KAZN: variants seen among roughly 807,000 people sequenced by gnomAD.
The protein encoded by KAZN is kazrin, periplakin interacting protein.
A neutral mutation model predicts 87.4 loss-of-function variants in KAZN; 40 were observed. The ratio of observed to expected loss-of-function variants is 0.46; its 90% CI spans 0.36 to 0.60. The LOEUF (loss-of-function observed/expected upper bound fraction) is 0.60. Among genes scored for constraint, KAZN ranks in the 20% least tolerant of loss-of-function variants. The probability of loss-of-function intolerance (pLI) is 0.00; values close to 1 mark genes in which losing one functional copy is unlikely to be tolerated. For missense variants in KAZN, 898 were observed against 1,073.9 expected, an observed-to-expected ratio of 0.84 and a Z score of 2.29; for synonymous variants, 466 against 458.3, an observed-to-expected ratio of 1.02 and a Z score of -0.22.
chr1:14,879,339 A>G (rs534847412), intron 1 of KAZN, among the ~76,000 whole-genome samples: 8 of 152,220 alleles, frequency 5.3e-5, no homozygotes, highest in Non-Finnish European at 1.0e-4. Context: ...ACAAATACTC[A>G]ATATGTAATA....
intron 2 of KAZN, among the ~76,000 whole-genome samples, chr1:15,020,848 G>C (rs12028628): frequency 0.098 from 14,911 of 152,158 alleles, 1,112 homozygotes; most frequent in East Asian, 0.42. Flanking sequence ...CTTGCCCCAG[G>C]TCCCCCCACA....
intron 2 of KAZN, among the ~76,000 whole-genome samples, chr1:14,966,817 A>T (rs4661552): frequency 6.6e-6 from 1 of 152,150 alleles, no homozygotes; most frequent in Non-Finnish European, 1.5e-5. Flanking sequence ...GACTACAGGC[A>T]TGTGCCACCA....
intron 1 of KAZN, among the ~76,000 whole-genome samples, chr1:14,811,081 C>A (rs1646394285): frequency 2.0e-5 from 3 of 152,146 alleles, no homozygotes; most frequent in Admixed American, 2.0e-4. Flanking sequence ...ACCATTTCCC[C>A]CCTCAAAGCA....
At chr1:15,082,387 G>A (rs1640044644) in intron 8 of KAZN, among the ~76,000 whole-genome samples, 1 of 152,212 alleles carries the variant, frequency 6.6e-6, no homozygotes, top group African/African-American at 2.4e-5. Flanking sequence ...ATGCCAGGGA[G>A]GTGCCAATGT....
chr1:13,931,440 C>T (rs1375321677), intron 1 of KAZN, among the ~76,000 whole-genome samples: 1 of 111,574 alleles, frequency 9.0e-6, no homozygotes, highest in Admixed American at 1.1e-4. Context: ...TGTTTTTCAG[C>T]CAGAGGGGTG....
chr1:14,568,635 A>G (rs112896051), intron 2 of KAZN, among the ~76,000 whole-genome samples: 2 of 152,234 alleles, frequency 1.3e-5, no homozygotes, highest in African/African-American at 4.8e-5. Flanking sequence ...CCCACAACAC[A>G]TGGGGATTCT....
chr1:14,050,249 G>A (rs1189411638), intron 1 of KAZN, among the ~76,000 whole-genome samples: 1 of 151,944 alleles, frequency 6.6e-6, no homozygotes, highest in Non-Finnish European at 1.5e-5. Flanking sequence ...GATGTGTGTG[G>A]GCATGCCTGT....
chr1:14,743,203 G>C (rs1644161247), intron 1 of KAZN, among the ~76,000 whole-genome samples: 1 of 152,026 alleles, frequency 6.6e-6, no homozygotes, highest in African/African-American at 2.4e-5. Flanking sequence ...AGGCTGAGGT[G>C]GGAGGATCAC....
intron 2 of KAZN, among the ~76,000 whole-genome samples, chr1:14,327,829 A>G (rs1656550077): frequency 6.6e-6 from 1 of 152,192 alleles, no homozygotes; most frequent in African/African-American, 2.4e-5. Context: ...GAGGGAAAGG[A>G]TCCCCTTTCA....
intron 10 of KAZN, 109 bp from the exon 11 acceptor site, chr1:15,101,434 C>G (rs1641064285): frequency 2.7e-6 from 2 of 731,150 alleles, no homozygotes; most frequent in South Asian, 3.4e-5. Flanking sequence ...TGGTCCTCCC[C>G]CAACCCCATT....
At chr1:13,982,508 G>T (rs188569151) in intron 1 of KAZN, among the ~76,000 whole-genome samples, 1 of 152,316 alleles carries the variant, frequency 6.6e-6, no homozygotes, top group African/African-American at 2.4e-5. Flanking sequence ...TGCAAAGAGC[G>T]AAAGAACAAA....
intron 1 of KAZN, among the ~76,000 whole-genome samples, chr1:14,661,786 C>T (rs1225906196): frequency 6.6e-6 from 1 of 152,088 alleles, no homozygotes; most frequent in African/African-American, 2.4e-5. Context: ...CATGGTGGCA[C>T]ATACCTGTAA....
intron 1 of KAZN, among the ~76,000 whole-genome samples, chr1:14,804,033 G>T (rs1313786925): frequency 1.3e-5 from 2 of 152,190 alleles, no homozygotes; most frequent in African/African-American, 4.8e-5. Context: ...GCCTGATCTT[G>T]TGTCCCATTC....
chr1:14,418,987 C>A (rs1665099595), intron 2 of KAZN, among the ~76,000 whole-genome samples: 1 of 152,212 alleles, frequency 6.6e-6, no homozygotes, highest in African/African-American at 2.4e-5. Context: ...AAACTTCTAG[C>A]CTGCCATTCG....
At chr1:15,087,398 T>TC (rs35202009) in intron 8 of KAZN, among the ~76,000 whole-genome samples, 19,608 of 147,282 alleles carry the variant, frequency 0.13, 1,371 homozygotes, top group Middle Eastern at 0.2. Flanking sequence ...AGCACTTTTT[T>TC]CTTTTTTTTT....
At chr1:14,783,184 T>C (rs61772277) in intron 1 of KAZN, among the ~76,000 whole-genome samples, 12,884 of 152,222 alleles carry the variant, frequency 0.085, 629 homozygotes, top group Middle Eastern at 0.16. Flanking sequence ...CTACTCAACA[T>C]GGTCCCTGCA....
intron 2 of KAZN, among the ~76,000 whole-genome samples, chr1:14,523,795 C>T (rs1671709812): frequency 6.6e-6 from 1 of 152,150 alleles, no homozygotes; most frequent in African/African-American, 2.4e-5. Flanking sequence ...CCTGGGGCTG[C>T]ACAGAATGTG....
chr1:14,488,337 G>A (rs893885492), intron 2 of KAZN, among the ~76,000 whole-genome samples: 2 of 152,138 alleles, frequency 1.3e-5, no homozygotes, highest in Non-Finnish European at 2.9e-5. Flanking sequence ...AGAGAACGGT[G>A]ACCTCTCATC....
intron 1 of KAZN, among the ~76,000 whole-genome samples, chr1:14,685,160 G>T (rs961448156): frequency 6.6e-6 from 1 of 152,224 alleles, no homozygotes; most frequent in Non-Finnish European, 1.5e-5. Flanking sequence ...AGTGAGATAT[G>T]AAAGGGAAGG....
Sources: allele counts gnomAD v4.1 joint callset (sites outside exome capture counted in the v4.1 genomes callset), GRCh38; gene constraint gnomAD v4.1.1; transcripts MANE v1.5; gene names NCBI Gene and HGNC (gene_info 2026-07-23, HGNC 2026-07-21).